The following RPP30 variants were observed in gnomAD, a reference collection of about 807,000 sequenced individuals.
The protein encoded by RPP30 is ribonuclease P protein subunit p30.
A neutral mutation model predicts 38.6 loss-of-function variants in RPP30; 36 were observed. The observed-to-expected ratio is 0.93, with a 90% CI of 0.71 to 1.23. The LOEUF (loss-of-function observed/expected upper bound fraction) is 1.23. Among genes scored for constraint, RPP30 ranks in the 50% most tolerant of loss-of-function variants. RPP30 has a pLI of 0.00. For missense variants in RPP30, 321 were observed against 321.7 expected, an observed-to-expected ratio of 1.00 and a Z score of 0.02; for synonymous variants, 126 against 112.7, an observed-to-expected ratio of 1.12 and a Z score of -0.75.
At chr10:90,875,936 T>G in intron 3 of RPP30, 88 bp from the exon 4 acceptor site, 1 of 770,360 alleles carries the variant, frequency 1.3e-6, no homozygotes, top group Non-Finnish European at 2.3e-6. Flanking sequence ...TTATAGCCAG[T>G]ACCTTTTAAT....
chr10:90,906,069 T>C (rs573622825), downstream of RPP30: 1 of 152,356 alleles, frequency 6.6e-6, no homozygotes, highest in South Asian at 2.1e-4. Flanking sequence ...ACCAGGATTA[T>C]TGGTGATGTG....
At chr10:90,893,332 G>C (rs1376153066) in intron 6 of RPP30, among the ~76,000 whole-genome samples, 2 of 152,124 alleles carry the variant, frequency 1.3e-5, no homozygotes, top group Non-Finnish European at 2.9e-5. Flanking sequence ...AACCCCAGTA[G>C]TCACAGCTGG....
chr10:90,876,149 T>C, intron 4 of RPP30, 51 bp downstream of exon 4: 1 of 1,169,986 alleles, frequency 8.5e-7, no homozygotes, highest in Middle Eastern at 1.9e-4. Flanking sequence ...GTTGTATTGA[T>C]TAATGTTGAA....
At chr10:90,889,769 T>C (rs1245727877) in intron 6 of RPP30, among the ~76,000 whole-genome samples, 2 of 152,098 alleles carry the variant, frequency 1.3e-5, no homozygotes, top group East Asian at 3.9e-4. Flanking sequence ...AACACTCCAT[T>C]TGTGTACTTT....
intron 5 of RPP30, among the ~76,000 whole-genome samples, chr10:90,883,458 T>C (rs1450986985): frequency 6.6e-6 from 1 of 152,182 alleles, no homozygotes. Context: ...ACATTAACTT[T>C]TATTTTGTGG....
At chr10:90,888,745 GCTC>G (rs1847035127) in intron 6 of RPP30, among the ~76,000 whole-genome samples, 1 of 152,122 alleles carries the variant, frequency 6.6e-6, no homozygotes, top group Admixed American at 6.5e-5. Context: ...GTTCAGGAAA[GCTC>G]CTTTCGTTTG....
At chr10:90,877,702 G>A (rs111967774) in intron 4 of RPP30, among the ~76,000 whole-genome samples, 1 of 152,150 alleles carries the variant, frequency 6.6e-6, no homozygotes, top group Non-Finnish European at 1.5e-5. Flanking sequence ...TGATATAATA[G>A]GGATGTGGAA....
intron 6 of RPP30, among the ~76,000 whole-genome samples, chr10:90,887,632 G>A (rs925151675): frequency 1.3e-5 from 2 of 151,926 alleles, no homozygotes; most frequent in African/African-American, 2.4e-5. Context: ...TGATCCGCCC[G>A]CCTCAGCCTC....
At chr10:90,882,509 A>G (rs1413791630) in intron 5 of RPP30, among the ~76,000 whole-genome samples, 4 of 151,046 alleles carry the variant, frequency 2.6e-5, no homozygotes, top group Admixed American at 1.3e-4. Flanking sequence ...TAAAAATTCA[A>G]AAAATTAGCC....
downstream of RPP30, among the ~76,000 whole-genome samples, chr10:90,905,054 A>G (rs1164389694): frequency 6.6e-6 from 1 of 152,250 alleles, no homozygotes; most frequent in Admixed American, 6.5e-5. Flanking sequence ...CCTGCCGAGC[A>G]TGGTCATCAA....
At chr10:90,894,562 G>T (rs1215529783) in intron 6 of RPP30, among the ~76,000 whole-genome samples, 8 of 152,134 alleles carry the variant, frequency 5.3e-5, no homozygotes, top group African/African-American at 1.9e-4. Context: ...CCACAGCCAA[G>T]TTAAACTCTC....
At chr10:90,875,761 T>C in intron 3 of RPP30, 147 bp downstream of exon 3, 1 of 708,502 alleles carries the variant, frequency 1.4e-6, no homozygotes, top group South Asian at 1.8e-5. Context: ...TCAGGAAACA[T>C]TCTTTTACTA....
chr10:90,896,647 C>T (rs1847142262), intron 10 of RPP30, among the ~76,000 whole-genome samples: 1 of 152,154 alleles, frequency 6.6e-6, no homozygotes, highest in African/African-American at 2.4e-5. Flanking sequence ...TGTGCTCCTG[C>T]CGACATTTTG....
At chr10:90,896,054 A>G in intron 9 of RPP30, 137 bp downstream of exon 9, 1 of 693,848 alleles carries the variant, frequency 1.4e-6, no homozygotes, top group Non-Finnish European at 2.4e-6. Context: ...AAAATAAATT[A>G]TATAACATTA....
intron 10 of RPP30, among the ~76,000 whole-genome samples, chr10:90,899,258 T>C (rs1389271532): frequency 2.0e-5 from 3 of 152,250 alleles, no homozygotes; most frequent in Non-Finnish European, 4.4e-5. Context: ...GTTCTTATTA[T>C]GTTGGCATTT....
chr10:90,881,912 A>G (rs1313735007), intron 5 of RPP30, among the ~76,000 whole-genome samples: 5 of 152,204 alleles, frequency 3.3e-5, no homozygotes, highest in Non-Finnish European at 7.3e-5. Flanking sequence ...AGTAGTATAA[A>G]ATCGAACCAT....
chr10:90,885,413 A>G (rs1040263274), intron 5 of RPP30, among the ~76,000 whole-genome samples: 5 of 152,198 alleles, frequency 3.3e-5, no homozygotes, highest in Admixed American at 6.5e-5. Flanking sequence ...GGATAAATGG[A>G]CTATGCATAC....
At chr10:90,878,155 G>A (rs1170844432) in intron 4 of RPP30, among the ~76,000 whole-genome samples, 3 of 152,020 alleles carry the variant, frequency 2.0e-5, no homozygotes, top group Non-Finnish European at 4.4e-5. Context: ...TTCACAAGTG[G>A]GAGTGGGCAG....
rs1429319118 is a variant in RPP30, at chr10:90,900,936, G to A, written c.*257G>A. The A allele has an allele frequency of 2.6e-6, 3 of 1,175,176 alleles. No individual in the cohort carries two copies. In the African/African-American group the frequency reaches 4.8e-5, roughly 19 times the overall value. The allele number at this position is 1,175,176 out of a possible 1,614,324, so 72.8% of individuals were successfully genotyped here. On this transcript the variant is annotated 3_prime_UTR_variant, in exon 11 of 11. Coordinates refer to ENST00000371703, the MANE Select transcript of RPP30 (RefSeq NM_006413.5). ...CTGGTTATTTCTCCTTTGTGTAAGT[G>A]ATAAACAACAGCAAATATACTTGAA...
Sources: allele counts gnomAD v4.1 joint callset (sites outside exome capture counted in the v4.1 genomes callset), GRCh38; gene constraint gnomAD v4.1.1; transcripts MANE v1.5; gene names NCBI Gene and HGNC (gene_info 2026-07-23, HGNC 2026-07-21).